The following MB21D2 variants were observed in gnomAD, a reference collection of about 807,000 sequenced individuals.
The protein encoded by MB21D2 is nucleotidyltransferase MB21D2.
A neutral mutation model predicts 33.3 loss-of-function variants in MB21D2; 9 were observed. The observed-to-expected ratio is 0.27, with a 90% CI of 0.16 to 0.47. The LOEUF is 0.47. Among genes scored for constraint, MB21D2 ranks in the 20% least tolerant of loss-of-function variants. MB21D2 has a pLI of 0.99. For missense variants in MB21D2, 540 were observed against 624.6 expected (o/e 0.86, Z 1.44); for synonymous variants, 241 against 236.3 (o/e 1.02, Z -0.18).
chr3:192,907,905 C>T (rs1054450424), intron 1 of MB21D2, among the ~76,000 whole-genome samples: 2 of 152,182 alleles, frequency 1.3e-5, no homozygotes, highest in Non-Finnish European at 1.5e-5. Context: ...AGTACCCTCA[C>T]ATGCCTGTGA....
intron 1 of MB21D2, among the ~76,000 whole-genome samples, chr3:192,893,381 G>A: frequency 6.6e-6 from 1 of 152,130 alleles, no homozygotes; most frequent in East Asian, 1.9e-4. Flanking sequence ...ACCTAACACA[G>A]GTTTTGATAT....
intron 1 of MB21D2, among the ~76,000 whole-genome samples, chr3:192,878,019 T>C (rs1577193177): frequency 6.8e-6 from 1 of 146,648 alleles, no homozygotes; most frequent in Admixed American, 6.8e-5. Context: ...GCAGCAACGG[T>C]GGGAGAAGCC....
chr3:192,821,333 G>A (rs1389217098), intron 1 of MB21D2, among the ~76,000 whole-genome samples: 1 of 152,188 alleles, frequency 6.6e-6, no homozygotes, highest in East Asian at 1.9e-4. Flanking sequence ...CAAAGGTAGG[G>A]TTGACTCACA....
At chr3:192,866,221 A>C (rs984677047) in intron 1 of MB21D2, among the ~76,000 whole-genome samples, 2 of 152,162 alleles carry the variant, frequency 1.3e-5, no homozygotes, top group African/African-American at 4.8e-5. Flanking sequence ...ATTTCCCCAA[A>C]ATGCTCAGGT....
chr3:192,913,927 A>AT (rs1326696159), intron 1 of MB21D2, among the ~76,000 whole-genome samples: 6 of 152,168 alleles, frequency 3.9e-5, no homozygotes, highest in African/African-American at 1.4e-4. Flanking sequence ...AATTACTATG[A>AT]TTTTCTCAAT....
intron 1 of MB21D2, among the ~76,000 whole-genome samples, chr3:192,881,463 T>C (rs980332604): frequency 2.6e-5 from 4 of 152,072 alleles, no homozygotes; most frequent in African/African-American, 4.8e-5. Context: ...CCCCATTATT[T>C]TTGGTAATGA....
chr3:192,912,752 A>G (rs1320499736), intron 1 of MB21D2, among the ~76,000 whole-genome samples: 2 of 152,196 alleles, frequency 1.3e-5, no homozygotes, highest in African/African-American at 4.8e-5. Flanking sequence ...AGTATGTCTC[A>G]CCCAAAAGTG....
chr3:192,866,372 CATCA>C (rs900874158), intron 1 of MB21D2, among the ~76,000 whole-genome samples: 1 of 152,164 alleles, frequency 6.6e-6, no homozygotes, highest in Non-Finnish European at 1.5e-5. Context: ...AACAAAAGAA[CATCA>C]ATTAGATTGC....
intron 1 of MB21D2, among the ~76,000 whole-genome samples, chr3:192,801,284 C>T (rs949621605): frequency 6.6e-6 from 1 of 152,178 alleles, no homozygotes; most frequent in African/African-American, 2.4e-5. Flanking sequence ...AAACTACCAG[C>T]GTCATCCTGT....
At chr3:192,869,851 T>C (rs1264392797) in intron 1 of MB21D2, among the ~76,000 whole-genome samples, 1 of 152,146 alleles carries the variant, frequency 6.6e-6, no homozygotes, top group Non-Finnish European at 1.5e-5. Context: ...CAGCAGTCTA[T>C]AACCTGCTGA....
Position 192,798,627 on chromosome 3 carries a change from C to T in MB21D2, c.1235G>A (p.Arg412His), listed in dbSNP as rs776064932. The T allele has an allele frequency of 7.4e-6, 12 of 1,613,850 alleles. No homozygotes were observed. The highest frequency in any genetic ancestry group is 4.4e-5 in the South Asian group (4 of 91,084). ...SVRSDPAEHL[R>H]TAIEHVKAAN... ...TGCCTTGACATGCTCAATGGCGGTGCGCAAGTGCTCTGCCGGGTCTGAGCG... is the reference window on the plus strand; with the variant it reads ...TGCCTTGACATGCTCAATGGCGGTGTGCAAGTGCTCTGCCGGGTCTGAGCG... The change falls in exon 2 of 2, where the codon CGC (arginine) becomes CAC (histidine). Residue 412 changes from arginine (R) to histidine (H), a missense_variant. Physicochemically the swap from Arg to His is conservative, Grantham distance 29. Transcript: ENST00000392452. The surrounding 1 kb of genome is among the most constrained non-coding windows in gnomAD (Gnocchi z 4.8).
chr3:192,884,488 T>G (rs1014010058), intron 1 of MB21D2, among the ~76,000 whole-genome samples: 2 of 151,626 alleles, frequency 1.3e-5, no homozygotes, highest in African/African-American at 4.9e-5. Flanking sequence ...TGCCTCAGCC[T>G]CCCGAGTAGC....
At chr3:192,828,591 C>CATAT (rs58394740) in intron 1 of MB21D2, among the ~76,000 whole-genome samples, 3 of 54,140 alleles carry the variant, frequency 5.5e-5, no homozygotes, top group Non-Finnish European at 1.2e-4. Flanking sequence ...TCACCCCCCC[C>CATAT]ATATATATAT....
At chr3:192,909,031 A>G (rs1474846799) in intron 1 of MB21D2, among the ~76,000 whole-genome samples, 1 of 151,528 alleles carries the variant, frequency 6.6e-6, no homozygotes, top group Non-Finnish European at 1.5e-5. Context: ...CAAGGCAGGC[A>G]GATCACGAGG....
At chr3:192,862,171 G>C (rs947788976) in intron 1 of MB21D2, among the ~76,000 whole-genome samples, 1 of 152,148 alleles carries the variant, frequency 6.6e-6, no homozygotes, top group African/African-American at 2.4e-5. Flanking sequence ...GCTTTCATCT[G>C]TGCTGCTCTT....
chr3:192,821,269 T>C (rs1431853751), intron 1 of MB21D2, among the ~76,000 whole-genome samples: 2 of 152,188 alleles, frequency 1.3e-5, no homozygotes, highest in Non-Finnish European at 2.9e-5. Context: ...GTTAAATAAA[T>C]GCTCAAAGTT....
intron 1 of MB21D2, among the ~76,000 whole-genome samples, chr3:192,861,081 T>C (rs1344906905): frequency 6.6e-6 from 1 of 152,250 alleles, no homozygotes; most frequent in Non-Finnish European, 1.5e-5. Flanking sequence ...TGACTGCATC[T>C]TGGCTAAAAC....
chr3:192,886,976 G>C (rs1713746119), intron 1 of MB21D2, among the ~76,000 whole-genome samples: 1 of 149,470 alleles, frequency 6.7e-6, no homozygotes, highest in Non-Finnish European at 1.5e-5. Flanking sequence ...CTGTCAAGCT[G>C]TAAGTTAAGG....
intron 1 of MB21D2, among the ~76,000 whole-genome samples, chr3:192,807,030 T>A (rs930187674): frequency 1.3e-5 from 2 of 152,160 alleles, no homozygotes; most frequent in African/African-American, 4.8e-5. Flanking sequence ...ACAACAAATT[T>A]CTTAGTGTGT....
Sources: allele counts gnomAD v4.1 joint callset (sites outside exome capture counted in the v4.1 genomes callset), GRCh38; gene constraint gnomAD v4.1.1; non-coding constraint Gnocchi (gnomAD v3.1); transcripts MANE v1.5; gene names NCBI Gene and HGNC (gene_info 2026-07-23, HGNC 2026-07-21).